The following LRP1B variants were observed in gnomAD, a reference collection of about 807,000 sequenced individuals.
LRP1B encodes low-density lipoprotein receptor-related protein 1B.
Under a neutral mutation model 556.6 loss-of-function variants are expected in LRP1B, and 217 were observed. That is an observed-to-expected ratio of 0.39 (90% CI 0.35 to 0.44). The LOEUF is 0.44. LRP1B is among the 20% of genes least tolerant of loss of function. The pLI, the probability that LRP1B is intolerant of heterozygous loss-of-function variation, is 1.00. For missense variants in LRP1B, 5,053 were observed against 5,620.8 expected (o/e 0.90, Z 3.23); for synonymous variants, 2,047 against 1,865.8 (o/e 1.10, Z -2.50).
At chr2:141,370,647 G>A (rs1426968155) in intron 3 of LRP1B, among the ~76,000 whole-genome samples, 1 of 151,906 alleles carries the variant, frequency 6.6e-6, no homozygotes, top group Middle Eastern at 3.2e-3. Context: ...AAGCTTTTTT[G>A]TTTAAATCCC....
rs902136007 is a variant in LRP1B at position 140,947,816 on chromosome 2, T to A, written c.3136+2419A>T. On this transcript the variant is annotated intron_variant, in intron 20 of 90. Coordinates refer to ENST00000389484, the MANE Select transcript of LRP1B (RefSeq NM_018557.3). ...GTATAATCTGATCAATACAAATTAG[T>A]TCAAGAACTCTCTTCATTCTTTGCT... Among the ~76,000 whole-genome samples, 14 of 152,192 alleles carry A rather than the reference T, an allele frequency of 9.2e-5. 1 individual carries two copies. The highest frequency in any genetic ancestry group is 3.4e-4 in the African/African-American group (14 of 41,456).
intron 86 of LRP1B, among the ~76,000 whole-genome samples, chr2:140,253,194 T>C (rs1681529785): frequency 1.3e-5 from 2 of 152,038 alleles, no homozygotes; most frequent in African/African-American, 2.4e-5. Flanking sequence ...TAAACATTTG[T>C]TAACTAATAC....
At chr2:140,655,796 A>C (rs1684858406) in intron 41 of LRP1B, among the ~76,000 whole-genome samples, 1 of 151,986 alleles carries the variant, frequency 6.6e-6, no homozygotes, top group South Asian at 2.1e-4. Flanking sequence ...CAAAAAAATT[A>C]GCCGGGCATA....
At chr2:140,735,333 C>T (rs1418892378) in intron 35 of LRP1B, among the ~76,000 whole-genome samples, 2 of 152,148 alleles carry the variant, frequency 1.3e-5, no homozygotes, top group Non-Finnish European at 2.9e-5. Context: ...TAATGACACA[C>T]TACAGACAGA....
chr2:141,229,123 T>G, intron 6 of LRP1B, 60 bp downstream of exon 6: 1 of 1,556,228 alleles, frequency 6.4e-7, no homozygotes. Context: ...GAATCCAGCC[T>G]ACGGGTCTGT....
At chr2:140,675,742 AC>A (rs1685648669) in intron 41 of LRP1B, among the ~76,000 whole-genome samples, 1 of 152,158 alleles carries the variant, frequency 6.6e-6, no homozygotes, top group South Asian at 2.1e-4. Context: ...GCACCTCTGC[AC>A]TCCAGCCTGG....
At chr2:140,903,316 G>A in intron 22 of LRP1B, 151 bp from the exon 23 acceptor site, 1 of 797,968 alleles carries the variant, frequency 1.3e-6, no homozygotes, top group Non-Finnish European at 1.9e-6. Context: ...TTGCTTCAGG[G>A]GTTGGTATAG....
chr2:140,419,518 GA>G (rs1443850211), intron 66 of LRP1B, among the ~76,000 whole-genome samples: 1 of 152,072 alleles, frequency 6.6e-6, no homozygotes, highest in Non-Finnish European at 1.5e-5. Flanking sequence ...AATGCACATG[GA>G]AACCTTATCA....
chr2:141,426,318 C>A (rs1680361815), intron 3 of LRP1B, among the ~76,000 whole-genome samples: 2 of 152,020 alleles, frequency 1.3e-5, no homozygotes, highest in South Asian at 4.2e-4. Context: ...GTTTTATTTA[C>A]TGTAGCCTTA....
At chr2:141,621,678 G>C (rs1193038439) in intron 2 of LRP1B, among the ~76,000 whole-genome samples, 1 of 152,052 alleles carries the variant, frequency 6.6e-6, no homozygotes, top group Non-Finnish European at 1.5e-5. Context: ...ATTTATGCAG[G>C]AGGGGAGGCA....
At chr2:141,997,415 ATGTGTGTGTGTG>A (rs138233497) in intron 1 of LRP1B, among the ~76,000 whole-genome samples, 8 of 138,356 alleles carry the variant, frequency 5.8e-5, no homozygotes, top group Admixed American at 2.2e-4. Context: ...AAATGTATAT[ATGTGTGTGTGTG>A]TGTGTGTGTG....
intron 1 of LRP1B, among the ~76,000 whole-genome samples, chr2:141,899,067 A>G (rs1028987377): frequency 3.3e-5 from 5 of 152,134 alleles, no homozygotes; most frequent in African/African-American, 1.2e-4. Context: ...GAAATACTCA[A>G]AAAGAATTAC....
intron 36 of LRP1B, 41 bp downstream of exon 36, chr2:140,716,641 A>G: frequency 6.4e-7 from 1 of 1,555,546 alleles, no homozygotes; most frequent in Non-Finnish European, 8.7e-7. Flanking sequence ...CCCCTAACAA[A>G]ATAGGTGTGA....
intron 66 of LRP1B, among the ~76,000 whole-genome samples, chr2:140,439,187 T>C (rs1315326938): frequency 1.3e-5 from 2 of 152,144 alleles, no homozygotes; most frequent in Non-Finnish European, 2.9e-5. Context: ...AAGTTTGAAG[T>C]TGAAATTCCA....
chr2:142,043,979 A>T (rs1481701089), intron 1 of LRP1B, among the ~76,000 whole-genome samples: 1 of 151,868 alleles, frequency 6.6e-6, no homozygotes, highest in South Asian at 2.1e-4. Context: ...AGTAGCCCTA[A>T]AATACAACCT....
chr2:140,289,437 T>C (rs1683286477), intron 84 of LRP1B, among the ~76,000 whole-genome samples: 1 of 152,058 alleles, frequency 6.6e-6, no homozygotes, highest in Non-Finnish European at 1.5e-5. Flanking sequence ...TATTTAATGT[T>C]GTTTAATACA....
chr2:141,577,906 C>A (rs1032721954), intron 2 of LRP1B, among the ~76,000 whole-genome samples: 3 of 152,130 alleles, frequency 2.0e-5, no homozygotes, highest in Non-Finnish European at 4.4e-5. Flanking sequence ...GAATGCAGAG[C>A]TTCTTACACC....
intron 60 of LRP1B, among the ~76,000 whole-genome samples, chr2:140,464,297 A>G (rs1160705097): frequency 3.3e-5 from 5 of 152,112 alleles, no homozygotes; most frequent in Admixed American, 6.5e-5. Flanking sequence ...GAAGGCATCC[A>G]TGGCCCATTA....
At chr2:141,444,110 G>A (rs906754236) in intron 3 of LRP1B, among the ~76,000 whole-genome samples, 3 of 152,100 alleles carry the variant, frequency 2.0e-5, no homozygotes, top group African/African-American at 7.2e-5. Context: ...ATTTCCTTGA[G>A]CAGTGGTTTG....
Sources: gnomAD v4.1 joint callset for allele counts (sites outside exome capture counted in the v4.1 genomes callset) on GRCh38, gnomAD v4.1.1 for gene constraint, MANE v1.5 for transcripts, NCBI Gene and HGNC (gene_info 2026-07-23, HGNC 2026-07-21) for gene names.